UNKL: variants seen among roughly 807,000 people sequenced by gnomAD.
The protein encoded by UNKL is putative E3 ubiquitin-protein ligase UNKL.
In UNKL, 60 loss-of-function variants were observed where a neutral mutation model predicts 78.0. That is an observed-to-expected ratio of 0.77 (90% CI 0.63 to 0.95). The LOEUF is 0.95. Ranked by LOEUF, UNKL falls within the 40% of genes least tolerant of loss-of-function variation. The probability of loss-of-function intolerance (pLI) is 0.00; values close to 1 mark genes in which losing one functional copy is unlikely to be tolerated. For synonymous variants in UNKL, 608 were observed against 474.8 expected (o/e 1.28, Z -3.65); for missense variants, 1,159 against 1,045.7 (o/e 1.11, Z -1.49).
chr16:1,379,542 G>A (rs1172986919), intron 10 of UNKL: 1 of 985,290 alleles, frequency 1.0e-6, no homozygotes, highest in Non-Finnish European at 1.2e-6. Flanking sequence ...CCTGGCGGGG[G>A]GCGCACCTAA....
Position 1,367,287 on chromosome 16 carries a change from G to A in UNKL, c.1851C>T (p.Ser617=), listed in dbSNP as rs376776951. The A allele has an allele frequency of 4.0e-5, 62 of 1,564,538 alleles. No individual in the cohort carries two copies. The African/African-American group carries it at 4.6e-4, about 12-fold the overall frequency. ...TCTTCTGCAGCGCCAGCTGCCGGTC[G>A]CTATCGGCCACACGGGCACGCTCCT... ...EAKERARVAD[S]DRQLALQKKE... Residue 617 remains serine, a synonymous_variant, in exon 14 of 15, where the codon AGC becomes AGT. Coordinates refer to ENST00000389221, the MANE Select transcript of UNKL (RefSeq NM_001372107.1).
intron 2 of UNKL, among the ~76,000 whole-genome samples, chr16:1,411,584 T>C (rs2038039821): frequency 1.3e-5 from 2 of 151,820 alleles, no homozygotes; most frequent in South Asian, 4.2e-4. Context: ...CCCAGCACTT[T>C]GGGACGCCGA....
intron 4 of UNKL, 46 bp downstream of exon 4, chr16:1,401,522 T>TGGGCGG: frequency 6.8e-6 from 10 of 1,467,134 alleles, no homozygotes; most frequent in Non-Finnish European, 9.1e-6. Flanking sequence ...TCTCGCGCTG[T>TGGGCGG]GCCCGCCCCC....
Position 1,367,640 on chromosome 16 carries a change from C to T in UNKL, c.1788+16G>A. On this transcript the variant is annotated intron_variant, in intron 13 of 14. Coordinates refer to ENST00000389221, the MANE Select transcript of UNKL (RefSeq NM_001372107.1). Reference sequence around the variant, plus strand: ...CCTCCCTCCCCCTCACCTGTCTGGCCCCCCCACACACTCACCTGCTTCACC... The same window carrying T: ...CCTCCCTCCCCCTCACCTGTCTGGCTCCCCCACACACTCACCTGCTTCACC... 2.7e-6 allele frequency: 4 copies of T among 1,494,752 alleles called. No individual in the cohort carries two copies. Among genetic ancestry groups the T allele is most frequent in the South Asian group, 1.2e-5 (1 of 82,994 alleles). The allele number at this position is 1,494,752 out of a possible 1,614,324, so 92.6% of individuals were successfully genotyped here. A position where few individuals can be genotyped will look rare whatever the true frequency, so the allele number is the denominator to read the frequency against.
At position 1,370,054 on chromosome 16, in the gene UNKL, C is replaced by A. The variant is rs945325695; in HGVS notation, c.1585+76G>T. The stretch of plus-strand genomic sequence containing the variant: ...GCACAAGGTTCCGTGTGAGGCCCCT[C>A]AGTCAGGACGGCATCTGGGAGGGAG... On this transcript the variant is annotated intron_variant, in intron 12 of 14. Transcript: ENST00000389221. 7.7e-6 allele frequency: 12 copies of A among 1,550,534 alleles called. No individual in the cohort carries two copies. The African/African-American group carries it at 1.6e-4, about 21-fold the overall frequency.
chr16:1,403,306 C>G lies in UNKL; in HGVS notation c.326G>C (p.Arg109Pro), dbSNP rs375384039. 6.2e-7 allele frequency: 1 copy of G among 1,614,202 alleles called. No individual in the cohort carries two copies. Among genetic ancestry groups the G allele is most frequent in the Non-Finnish European group, 8.5e-7 (1 of 1,180,038 alleles). ...YLHRTTGDTE[R>P]KYHLRYYKTG... is the part of the protein sequence containing the mutation. ...TTTGTAGTAACGCAGGTGGTACTTG[C>G]GTTCTGTGTCCCCCGTCGTCCGGTG... Residue 109 changes from arginine to proline, a missense_variant, in exon 3 of 15, where the codon CGC becomes CCC. Arg to Pro is a moderately radical substitution (Grantham distance 103). Coordinates refer to ENST00000389221, the MANE Select transcript of UNKL (RefSeq NM_001372107.1). This position sits in a 1 kb window ranked among gnomAD's most constrained non-coding sequence, Gnocchi z 4.8.
At chr16:1,366,972 C>A in intron 14 of UNKL, 120 bp downstream of exon 14, 1 of 1,428,976 alleles carries the variant, frequency 7.0e-7, no homozygotes, top group Non-Finnish European at 9.1e-7. Flanking sequence ...CTCCCTAGGC[C>A]CGGAGCAGAC....
intron 14 of UNKL, among the ~76,000 whole-genome samples, chr16:1,366,663 C>T (rs1303433359): frequency 6.6e-6 from 1 of 152,214 alleles, no homozygotes; most frequent in African/African-American, 2.4e-5. Flanking sequence ...CAGGCCAGGC[C>T]CCTGAGGGCA....
intron 2 of UNKL, among the ~76,000 whole-genome samples, chr16:1,413,065 T>C (rs536527017): frequency 7.2e-5 from 11 of 151,788 alleles, no homozygotes; most frequent in Non-Finnish European, 1.6e-4. Flanking sequence ...CTGGGCAATG[T>C]AGTGAGACCC....
rs372219100 is a variant in UNKL at position 1,395,785 on chromosome 16, C to T, written c.852+1393G>A. The stretch of plus-strand genomic sequence containing the variant: ...CCTGCGTGACTGAACACAGAAAACG[C>T]CCCGGACACCGGACTCCCGACAGGC... On this transcript the variant is annotated intron_variant, in intron 6 of 14. Transcript: ENST00000389221. 44 of 456,092 alleles carry T rather than the reference C, an allele frequency of 9.6e-5. No homozygotes were observed. In the East Asian group the frequency reaches 1.4e-3, roughly 14 times the overall value. The allele number at this position is 456,092 out of a possible 1,614,324, so 28.3% of individuals were successfully genotyped here. A position where few individuals can be genotyped will look rare whatever the true frequency, so the allele number is the denominator to read the frequency against.
chr16:1,402,444 T>C (rs2037568964), intron 3 of UNKL, among the ~76,000 whole-genome samples: 1 of 151,776 alleles, frequency 6.6e-6, no homozygotes, highest in Non-Finnish European at 1.5e-5. Context: ...GGGCAGATCA[T>C]GAGGTCAGGA....
rs561912115 is a variant in UNKL at position 1,398,099 on chromosome 16, C to T, written c.735-804G>A. ...CCGAACCTCCTGGGGACAGTGAGGC[C>T]GGGCGCCCAGACAGCACGGGGCTGT... On this transcript the variant is annotated intron_variant, in intron 5 of 14. Coordinates refer to ENST00000389221, the MANE Select transcript of UNKL (RefSeq NM_001372107.1). Among the ~76,000 whole-genome samples, 324 of 152,306 alleles carry T rather than the reference C, an allele frequency of 2.1e-3. 6 individuals carry two copies. The highest frequency in any genetic ancestry group is 0.014 in the South Asian group (69 of 4,828).
chr16:1,363,398 TACTC>T lies in UNKL; in HGVS notation c.*2838_*2841del, dbSNP rs1283000352. ...CATTCAAATAACATTCTCATGTAAA[TACTC>T]AAACATACAGATTGAGGCTTCCAGA... On this transcript the variant is annotated 3_prime_UTR_variant, in exon 15 of 15. Transcript: ENST00000389221. The T allele has an allele frequency of 9.0e-5, 35 of 389,326 alleles. No individual in the cohort carries two copies. Among genetic ancestry groups the T allele is most frequent in the Admixed American group, 4.9e-4 (13 of 26,498 alleles). 24.1% of individuals were successfully genotyped at this position (389,326 alleles called of 1,614,324 possible). A position where few individuals can be genotyped will look rare whatever the true frequency, so the allele number is the denominator to read the frequency against.
Position 1,387,518 on chromosome 16 carries a change from C to T in UNKL, c.1087-2133G>A, listed in dbSNP as rs532520794. 5.6e-4 allele frequency among the ~76,000 whole-genome samples: 85 copies of T among 152,290 alleles called. No homozygotes were observed. Among genetic ancestry groups the T allele is most frequent in the Non-Finnish European group, 5.4e-4 (37 of 68,008 alleles). On this transcript the variant is annotated intron_variant, in intron 9 of 14. Transcript: ENST00000389221. The surrounding 1 kb of genome is among the most constrained non-coding windows in gnomAD (Gnocchi z 4.1). ...GCACACCTGGGAGCTCCTTGTACCCCGATGGCTTGGATCGGGGAGGGAGCC... is the reference window on the plus strand; with the variant it reads ...GCACACCTGGGAGCTCCTTGTACCCTGATGGCTTGGATCGGGGAGGGAGCC...
intron 10 of UNKL, among the ~76,000 whole-genome samples, chr16:1,372,504 C>A (rs867363102): frequency 6.6e-6 from 1 of 152,054 alleles, no homozygotes; most frequent in Non-Finnish European, 1.5e-5. Flanking sequence ...TCCCAAGTCC[C>A]CACCCCCAAC....
chr16:1,413,554 G>A (rs1020579964), intron 2 of UNKL, among the ~76,000 whole-genome samples: 1 of 152,234 alleles, frequency 6.6e-6, no homozygotes, highest in Non-Finnish European at 1.5e-5. Flanking sequence ...AGCAACAAGA[G>A]TGAAACTCCG....
chr16:1,369,492 C>T (rs1451578462), intron 12 of UNKL, among the ~76,000 whole-genome samples: 1 of 152,134 alleles, frequency 6.6e-6, no homozygotes, highest in Non-Finnish European at 1.5e-5. Flanking sequence ...GCCTCAGCCT[C>T]CCCAGTAGCT....
intron 4 of UNKL, chr16:1,401,256 G>A (rs2037512197): frequency 3.7e-6 from 1 of 271,368 alleles, no homozygotes; most frequent in Non-Finnish European, 6.9e-6. Flanking sequence ...CCGGCTCTGG[G>A]ACAGGACGCC....
rs1043648911 is a variant in UNKL at position 1,403,384 on chromosome 16, A to T, written c.288-40T>A. 5.7e-6 allele frequency: 9 copies of T among 1,589,300 alleles called. No individual in the cohort carries two copies. The highest frequency in any genetic ancestry group is 6.8e-6 in the Non-Finnish European group (8 of 1,168,630). ...GGCACGCAATGCCTGGTTATCATGG[A>T]CCCAGAGGCAGCCCTAAGCTCCCTG... On this transcript the variant is annotated intron_variant, in intron 2 of 14. Coordinates refer to ENST00000389221, the MANE Select transcript of UNKL (RefSeq NM_001372107.1). This position sits in a 1 kb window ranked among gnomAD's most constrained non-coding sequence, Gnocchi z 4.8.
Sources: gnomAD v4.1 joint callset for allele counts (sites outside exome capture counted in the v4.1 genomes callset) on GRCh38, gnomAD v4.1.1 for gene constraint, Gnocchi (gnomAD v3.1) non-coding constraint, MANE v1.5 for transcripts, NCBI Gene and HGNC (gene_info 2026-07-23, HGNC 2026-07-21) for gene names.